DNMT3B: variants seen among roughly 807,000 people sequenced by gnomAD.
DNMT3B encodes the protein DNA methyltransferase 3 beta.
Under a neutral mutation model 120.2 loss-of-function variants are expected in DNMT3B, and 37 were observed. The observed-to-expected ratio is 0.31, with a 90% CI of 0.24 to 0.40. The LOEUF (loss-of-function observed/expected upper bound fraction) is 0.40, where lower values mean the gene tolerates loss of function less well. DNMT3B is among the 10% of genes least tolerant of loss of function. The pLI, the probability that DNMT3B is intolerant of heterozygous loss-of-function variation, is 1.00. For synonymous variants in DNMT3B, 412 were observed against 442.8 expected, an observed-to-expected ratio of 0.93 and a Z score of 0.87; for missense variants, 878 against 1,137.3, an observed-to-expected ratio of 0.77 and a Z score of 3.28.
At chr20:32,776,335 A>G (rs1332338760) in intron 1 of DNMT3B, among the ~76,000 whole-genome samples, 1 of 152,014 alleles carries the variant, frequency 6.6e-6, no homozygotes, top group Admixed American at 6.6e-5. Context: ...GTGTGGGATG[A>G]TGCAGTTCTA....
chr20:32,776,704 C>T (rs890881012), intron 1 of DNMT3B, among the ~76,000 whole-genome samples: 1 of 152,032 alleles, frequency 6.6e-6, no homozygotes. Context: ...CAGTGCCTGA[C>T]ACATAGTAAC....
intron 3 of DNMT3B, among the ~76,000 whole-genome samples, chr20:32,783,707 G>A (rs1978900411): frequency 6.6e-6 from 1 of 151,838 alleles, no homozygotes; most frequent in Admixed American, 6.6e-5. Flanking sequence ...GAAATCTCTT[G>A]CCCACACGTT....
chr20:32,767,373 TCA>T (rs1207456576), intron 1 of DNMT3B, among the ~76,000 whole-genome samples: 1 of 151,092 alleles, frequency 6.6e-6, no homozygotes, highest in Admixed American at 6.6e-5. Flanking sequence ...TGGTGAGGTC[TCA>T]GTCTGGTATC....
chr20:32,779,565 T>G (rs1200634273), intron 1 of DNMT3B, among the ~76,000 whole-genome samples: 1 of 152,138 alleles, frequency 6.6e-6, no homozygotes, highest in African/African-American at 2.4e-5. Context: ...GGGGCAGCAG[T>G]GGGGAGGCCA....
chr20:32,797,127 C>A, intron 13 of DNMT3B, 60 bp from the exon 14 acceptor site: 1 of 1,607,650 alleles, frequency 6.2e-7, no homozygotes, highest in East Asian at 2.2e-5. Flanking sequence ...CACCAGCAAG[C>A]CGGCAGGGCC....
At chr20:32,796,421 T>C (rs1335292951) in intron 12 of DNMT3B, among the ~76,000 whole-genome samples, 1 of 152,134 alleles carries the variant, frequency 6.6e-6, no homozygotes, top group Non-Finnish European at 1.5e-5. Context: ...GTTTACAGGG[T>C]GTGGGCATGG....
intron 1 of DNMT3B, among the ~76,000 whole-genome samples, chr20:32,776,097 T>G (rs1236257287): frequency 1.3e-5 from 2 of 152,028 alleles, no homozygotes; most frequent in South Asian, 4.2e-4. Flanking sequence ...GGCATGGTGG[T>G]GCAAGTCTGT....
intron 19 of DNMT3B, among the ~76,000 whole-genome samples, chr20:32,802,124 T>A (rs942177765): frequency 2.6e-5 from 4 of 152,166 alleles, no homozygotes; most frequent in African/African-American, 9.7e-5. Flanking sequence ...GTGTATCATA[T>A]TTTGTAATAA....
chr20:32,771,737 T>C (rs1987759689), intron 1 of DNMT3B, among the ~76,000 whole-genome samples: 1 of 150,708 alleles, frequency 6.6e-6, no homozygotes, highest in South Asian at 2.1e-4. Flanking sequence ...AGAGATAGAG[T>C]TGGGATGTAT....
At chr20:32,763,770 T>C (rs1346816802) in intron 1 of DNMT3B, among the ~76,000 whole-genome samples, 5 of 152,192 alleles carry the variant, frequency 3.3e-5, no homozygotes, top group Non-Finnish European at 5.9e-5. Context: ...CTGCTCCCTT[T>C]TCCTCCCCTG....
chr20:32,800,815 ACT>A lies in DNMT3B; in HGVS notation c.1906-17_1906-16del. 3.1e-6 allele frequency: 5 copies of A among 1,612,704 alleles called. No individual in the cohort carries two copies. The highest frequency in any genetic ancestry group is 2.2e-5 in the East Asian group (1 of 44,842). On this transcript the variant is annotated intron_variant, in intron 17 of 22. Transcript: ENST00000328111. ...TCCCTCTGTCCACACCCTCATCCTGACTCTGTCTCTCTCTTTCAGATTGAAGA... is the reference window on the plus strand; with the variant it reads ...TCCCTCTGTCCACACCCTCATCCTGACTGTCTCTCTCTTTCAGATTGAAGA...
chr20:32,795,456 T>C lies in DNMT3B; in HGVS notation c.1174T>C (p.Tyr392His), dbSNP rs1240916230. Residue 392 changes from tyrosine to histidine, a missense_variant, in exon 11 of 23, where the codon TAC (tyrosine) becomes CAC (histidine). Tyr to His is a moderately conservative substitution (Grantham distance 83). This residue lies in a region of DNMT3B where 207 missense variants were observed against 222.6 expected (regional missense o/e 0.93). Coordinates refer to ENST00000328111, the MANE Select transcript of DNMT3B (RefSeq NM_006892.4). ...RTADDSATSD[Y>H]CPAPKRLKTN... ...AGCTGACGACTCAGCCACCTCTGAC[T>C]ACTGCCCCGCACCCAAGCGCCTCAA... 6.2e-7 allele frequency: 1 copy of C among 1,614,174 alleles called. No homozygotes were observed. Among genetic ancestry groups the C allele is most frequent in the East Asian group, 2.2e-5 (1 of 44,880 alleles).
chr20:32,790,544 G>A (rs557929775), intron 7 of DNMT3B, among the ~76,000 whole-genome samples: 10 of 152,244 alleles, frequency 6.6e-5, no homozygotes, highest in Non-Finnish European at 1.2e-4. Context: ...CCCCACCAGA[G>A]CCACAGTGTT....
Position 32,804,019 on chromosome 20 carries a change from C to T in DNMT3B, c.2232-1319C>T, listed in dbSNP as rs17123660. On this transcript the variant is annotated intron_variant, in intron 20 of 22. Coordinates refer to ENST00000328111, the MANE Select transcript of DNMT3B (RefSeq NM_006892.4). Reference sequence around the variant, plus strand: ...TATGATGTTATGCCCCAGGAGGTGCCATCCATAGAGAACACAGTGTGAGTG... The same window carrying T: ...TATGATGTTATGCCCCAGGAGGTGCTATCCATAGAGAACACAGTGTGAGTG... 9.6e-3 allele frequency among the ~76,000 whole-genome samples: 1,469 copies of T among 152,246 alleles called. 27 individuals are homozygous for T. Among genetic ancestry groups the T allele is most frequent in the African/African-American group, 0.034 (1,416 of 41,528 alleles).
chr20:32,765,750 CTTTTTTTCT>C (rs1239762860), intron 1 of DNMT3B, among the ~76,000 whole-genome samples: 2 of 108,448 alleles, frequency 1.8e-5, no homozygotes, highest in East Asian at 3.2e-4. Context: ...TTTATTTTTT[CTTTTTTTCT>C]TTTTTTTTTT....
intron 3 of DNMT3B, 96 bp downstream of exon 3, chr20:32,781,510 A>G: frequency 7.6e-7 from 1 of 1,317,398 alleles, no homozygotes; most frequent in Admixed American, 1.7e-5. Context: ...TGGCATCTGC[A>G]AATGTATGGA....
intron 2 of DNMT3B, among the ~76,000 whole-genome samples, chr20:32,780,690 AC>A (rs1184844913): frequency 1.3e-5 from 2 of 152,108 alleles, no homozygotes; most frequent in Non-Finnish European, 2.9e-5. Context: ...TCTGAGCGTG[AC>A]ACAAGGGTGA....
intron 14 of DNMT3B, 37 bp from the exon 15 acceptor site, chr20:32,798,423 T>A: frequency 1.2e-6 from 2 of 1,613,548 alleles, no homozygotes; most frequent in Non-Finnish European, 8.5e-7. Flanking sequence ...AGACCAGCTC[T>A]GACAAAGGCA....
chr20:32,792,720 G>A lies in DNMT3B; in HGVS notation c.1016G>A (p.Gly339Asp), dbSNP rs754921958. The change falls in exon 9 of 23, where the codon GGC becomes GAC. Residue 339 changes from glycine (G) to aspartate (D), a missense_variant. Physicochemically the swap from Gly to Asp is moderately conservative, Grantham distance 94. Coordinates refer to ENST00000328111, the MANE Select transcript of DNMT3B (RefSeq NM_006892.4). ...LKPMLEWAHG[G>D]FKPTGIEGLK... ...CCCATGTTGGAGTGGGCCCACGGGG[G>A]CTTCAAGCCCACTGGGATCGAGGGC... 3.1e-6 allele frequency: 5 copies of A among 1,614,222 alleles called. No homozygotes were observed. The South Asian group carries it at 3.3e-5, about 11-fold the overall frequency.
Sources: gnomAD v4.1 joint callset for allele counts (sites outside exome capture counted in the v4.1 genomes callset) on GRCh38, gnomAD v4.1.1 for gene constraint, gnomAD v4.1.1 regional missense constraint, MANE v1.5 for transcripts, NCBI Gene and HGNC (gene_info 2026-07-23, HGNC 2026-07-21) for gene names.